PLEKHM3: variants seen among roughly 807,000 people sequenced by gnomAD.
The protein encoded by PLEKHM3 is pleckstrin homology domain-containing family M member 3.
Under a neutral mutation model 81.8 loss-of-function variants are expected in PLEKHM3, and 45 were observed. The observed-to-expected ratio is 0.55, with a 90% CI of 0.43 to 0.71. The LOEUF is 0.71. PLEKHM3 is among the 30% of genes least tolerant of loss of function. The pLI is 0.00. For synonymous variants in PLEKHM3, 352 were observed against 356.4 expected (o/e 0.99, Z 0.14); for missense variants, 788 against 924.3 (o/e 0.85, Z 1.91).
intron 7 of PLEKHM3, among the ~76,000 whole-genome samples, chr2:207,829,642 G>A (rs2092273634): frequency 1.3e-5 from 2 of 152,106 alleles, no homozygotes; most frequent in Non-Finnish European, 2.9e-5. Flanking sequence ...GTGGTTTGCC[G>A]ATATGGACTG....
At chr2:208,024,004 G>A (rs764277367) in intron 1 of PLEKHM3, among the ~76,000 whole-genome samples, 18 of 151,952 alleles carry the variant, frequency 1.2e-4, no homozygotes, top group Non-Finnish European at 2.5e-4. Context: ...TTAGCCAGGC[G>A]TGGTGGCTTG....
chr2:207,860,245 G>C (rs2092460874), intron 7 of PLEKHM3, among the ~76,000 whole-genome samples: 1 of 150,628 alleles, frequency 6.6e-6, no homozygotes, highest in South Asian at 2.1e-4. Flanking sequence ...GTTTTTCTGT[G>C]TGTGGGCCAA....
In PLEKHM3 at chr2:207,931,048, G is replaced by A. The variant is rs749955829; in HGVS notation, c.1764C>T (p.Asn588=). Residue 588 remains asparagine (N), a synonymous_variant, in exon 5 of 8, where the codon AAC becomes AAT. Transcript: ENST00000427836. ...EEPLIDIQQE[N]AMLYHHAEPL... ...GCTCTGCGTGGTGGTACAGCATGGC[G>A]TTCTCCTGCTGGATGTCGATGAGCG... 3 of 1,614,062 alleles carry A rather than the reference G, an allele frequency of 1.9e-6. No homozygotes were observed. Among genetic ancestry groups the A allele is most frequent in the East Asian group, 4.5e-5 (2 of 44,878 alleles).
At chr2:208,019,690 G>C (rs1389603507) in intron 1 of PLEKHM3, 4 of 152,202 alleles carry the variant, frequency 2.6e-5, no homozygotes, top group Non-Finnish European at 5.9e-5. Flanking sequence ...CAGAAGCCAT[G>C]CTAATCTCTG....
intron 3 of PLEKHM3, among the ~76,000 whole-genome samples, chr2:207,959,495 T>TA (rs1360474577): frequency 2.0e-5 from 3 of 152,206 alleles, no homozygotes; most frequent in Non-Finnish European, 2.9e-5. Flanking sequence ...AGTCGCTTCT[T>TA]ACATCAGTCT....
chr2:207,829,803 C>T (rs1359791028), intron 7 of PLEKHM3, among the ~76,000 whole-genome samples: 2 of 152,060 alleles, frequency 1.3e-5, no homozygotes, highest in East Asian at 3.9e-4. Flanking sequence ...GAACCAGTCC[C>T]GAGGGCTCAG....
chr2:207,878,251 C>T (rs2718657), intron 6 of PLEKHM3, among the ~76,000 whole-genome samples: 152,241 of 152,252 alleles, frequency 1, 76,115 homozygotes, highest in Non-Finnish European at 1. Context: ...CATTGCCTCA[C>T]TTATGATAAT....
At chr2:207,975,493 T>C (rs941913528) in intron 3 of PLEKHM3, among the ~76,000 whole-genome samples, 2 of 151,846 alleles carry the variant, frequency 1.3e-5, no homozygotes, top group African/African-American at 4.8e-5. Context: ...GTAAATTTAA[T>C]GTCACAAACT....
At chr2:208,010,875 G>GA (rs35800531) in intron 1 of PLEKHM3, among the ~76,000 whole-genome samples, 10 of 151,824 alleles carry the variant, frequency 6.6e-5, no homozygotes, top group African/African-American at 2.4e-4. Context: ...TTAATCTCAG[G>GA]AAAAAATCAC....
chr2:207,889,160 C>T (rs1021487894), intron 6 of PLEKHM3, among the ~76,000 whole-genome samples: 1 of 152,168 alleles, frequency 6.6e-6, no homozygotes, highest in African/African-American at 2.4e-5. Flanking sequence ...TCTCCCCATA[C>T]ATTCAGGAGG....
chr2:207,984,104 T>C (rs1421768432), intron 2 of PLEKHM3, among the ~76,000 whole-genome samples: 3 of 152,242 alleles, frequency 2.0e-5, no homozygotes, highest in Non-Finnish European at 4.4e-5. Context: ...GTAAGATGAA[T>C]GCCAGGTACT....
chr2:207,917,524 G>A, intron 5 of PLEKHM3, among the ~76,000 whole-genome samples: 1 of 152,150 alleles, frequency 6.6e-6, no homozygotes, highest in East Asian at 1.9e-4. Context: ...TGCAACTCCA[G>A]TCTGTGTAGA....
Position 207,910,709 on chromosome 2 carries a change from C to T in PLEKHM3, c.1887-2132G>A, listed in dbSNP as rs115926009. 8.2e-3 allele frequency among the ~76,000 whole-genome samples: 1,241 copies of T among 152,116 alleles called. 19 individuals carry two copies. The highest frequency in any genetic ancestry group is 0.029 in the African/African-American group (1,188 of 41,478). ...GGATGTTTATTACTGTAGTTTAGGC[C>T]GGTAGCAGTATAGAGCCACTGATGC... On this transcript the variant is annotated intron_variant, in intron 5 of 7. Coordinates refer to ENST00000427836, the MANE Select transcript of PLEKHM3 (RefSeq NM_001080475.3).
intron 5 of PLEKHM3, among the ~76,000 whole-genome samples, chr2:207,913,981 G>GCA (rs1184811444): frequency 2.6e-5 from 4 of 151,540 alleles, no homozygotes; most frequent in African/African-American, 7.3e-5. Flanking sequence ...GCGCACACGC[G>GCA]CACACACACA....
rs533959778 is a variant in PLEKHM3, at chr2:208,003,456, A to G, written c.-318-1499T>C. On this transcript the variant is annotated intron_variant, in intron 1 of 7. Coordinates refer to ENST00000427836, the MANE Select transcript of PLEKHM3 (RefSeq NM_001080475.3). ...AAACCACTACATTTATATCAACAGC[A>G]CCAATCTACTTTGCTTAACCTATGT... Among the ~76,000 whole-genome samples, 122 of 152,332 alleles carry G rather than the reference A, an allele frequency of 8.0e-4. 1 individual carries two copies. Among genetic ancestry groups the G allele is most frequent in the African/African-American group, 2.7e-3 (114 of 41,576 alleles).
At chr2:207,845,519 C>G (rs2092377479) in intron 7 of PLEKHM3, among the ~76,000 whole-genome samples, 1 of 152,192 alleles carries the variant, frequency 6.6e-6, no homozygotes, top group Non-Finnish European at 1.5e-5. Context: ...CTTAGCAAAG[C>G]TCACATTTTT....
intron 3 of PLEKHM3, among the ~76,000 whole-genome samples, chr2:207,963,670 A>G (rs1162073939): frequency 6.6e-6 from 1 of 152,220 alleles, no homozygotes; most frequent in African/African-American, 2.4e-5. Flanking sequence ...AGGATGTATT[A>G]AAAAGGAAGC....
chr2:207,920,204 C>T (rs1475100108), intron 5 of PLEKHM3, among the ~76,000 whole-genome samples: 4 of 152,164 alleles, frequency 2.6e-5, no homozygotes, highest in African/African-American at 4.8e-5. Flanking sequence ...TAAATTGCTT[C>T]GGAATGGTCT....
chr2:208,001,069 G>T lies in PLEKHM3; in HGVS notation c.571C>A (p.Pro191Thr), dbSNP rs1373200805. The T allele has an allele frequency of 6.4e-7, 1 of 1,562,490 alleles. No homozygotes were observed. The highest frequency in any genetic ancestry group is 1.2e-5 in the South Asian group (1 of 85,878). ...PHVTRPSFLL[P>T]SPNKIEDAQG... ...GCATCTTCTATCTTATTTGGTGAGG[G>T]CAACAGAAAAGATGGCCTGGTGACA... Residue 191 changes from proline to threonine, a missense_variant, in exon 2 of 8, where the codon CCC becomes ACC. Pro to Thr is a conservative substitution (Grantham distance 38). Transcript: ENST00000427836.
Sources: gnomAD v4.1 joint callset for allele counts (sites outside exome capture counted in the v4.1 genomes callset) on GRCh38, gnomAD v4.1.1 for gene constraint, MANE v1.5 for transcripts, NCBI Gene and HGNC (gene_info 2026-07-23, HGNC 2026-07-21) for gene names.